GP6: variants seen among roughly 807,000 people sequenced by gnomAD.
GP6 encodes the protein platelet glycoprotein VI.
GP6 carries 45 observed loss-of-function variants against 37.3 expected under a neutral mutation model. The observed-to-expected ratio is 1.21, with a 90% CI of 0.95 to 1.55. The LOEUF is 1.55. Among genes scored for constraint, GP6 ranks in the 40% most tolerant of loss-of-function variants. The pLI is 0.00. For missense variants in GP6, 813 were observed against 760.2 expected, an observed-to-expected ratio of 1.07 and a Z score of -0.82; for synonymous variants, 340 against 316.4, an observed-to-expected ratio of 1.07 and a Z score of -0.79.
In GP6 at chr19:55,016,617, G is replaced by A. The variant is rs552741069; in HGVS notation, c.725-884C>T. 3.0e-3 allele frequency among the ~76,000 whole-genome samples: 454 copies of A among 151,782 alleles called. 8 individuals are homozygous for A. Among genetic ancestry groups the A allele is most frequent in the African/African-American group, 0.011 (439 of 41,480 alleles). The stretch of plus-strand genomic sequence containing the variant: ...TTTTGAACTCCTGACCTTGTGATCC[G>A]CCCGCCTAGGCCTCCCAAAGTGCTG... On this transcript the variant is annotated intron_variant, in intron 6 of 7. Transcript: ENST00000310373.
intron 1 of GP6, among the ~76,000 whole-genome samples, chr19:55,037,386 A>ATT (rs1568656829): frequency 1.4e-5 from 2 of 147,308 alleles, no homozygotes; most frequent in Non-Finnish European, 3.0e-5. Flanking sequence ...TGCCCAGGCC[A>ATT]GAGTGCAATG....
In GP6 at chr19:55,037,381, A is replaced by G. The variant is rs141247517; in HGVS notation, c.34+822T>C. ...AGACGGAGTTTCGCTCTTGTTGCCC[A>G]GGCCAGAGTGCAATGGTGTGATCTT... is the stretch of plus-strand genomic sequence containing the variant. On this transcript the variant is annotated intron_variant, in intron 1 of 7. Coordinates refer to ENST00000310373, the MANE Select transcript of GP6 (RefSeq NM_001083899.2). Among the ~76,000 whole-genome samples, 890 of 146,460 alleles carry G rather than the reference A, an allele frequency of 6.1e-3. 10 individuals are homozygous for G. Among genetic ancestry groups the G allele is most frequent in the African/African-American group, 0.022 (852 of 39,160 alleles).
intron 1 of GP6, among the ~76,000 whole-genome samples, chr19:55,033,541 G>A (rs546386314): frequency 3.0e-4 from 46 of 151,530 alleles, no homozygotes; most frequent in African/African-American, 1.0e-3. Context: ...TGTTAGACAC[G>A]GTGGGCTCGT....
chr19:55,034,169 T>C (rs1046039942), intron 1 of GP6, among the ~76,000 whole-genome samples: 2 of 151,750 alleles, frequency 1.3e-5, no homozygotes, highest in Non-Finnish European at 2.9e-5. Context: ...TGTGTGTGTG[T>C]GTGTGTGTAT....
In GP6 at chr19:55,021,815, C is replaced by T. The variant is rs537334425; in HGVS notation, c.665-3104G>A. ...GATTACCGGCGTGAGCCACCGTGCCCGGCGTTTCTTGACTTTTTAATAATC... is the reference window on the plus strand; with the variant it reads ...GATTACCGGCGTGAGCCACCGTGCCTGGCGTTTCTTGACTTTTTAATAATC... On this transcript the variant is annotated intron_variant, in intron 5 of 7. Coordinates refer to ENST00000310373, the MANE Select transcript of GP6 (RefSeq NM_001083899.2). 3.3e-4 allele frequency among the ~76,000 whole-genome samples: 50 copies of T among 152,208 alleles called. 1 individual carries two copies. The South Asian group carries it at 3.7e-3, about 11-fold the overall frequency.
Position 55,032,536 on chromosome 19 carries a change from G to C in GP6, c.37C>G (p.Leu13Val). ...TGCGCTGGCACACGCCCCAGACACA[G>C]CCCTGAGGAAAGAAGAAAGGGACCA... Residue 13 changes from leucine to valine, a missense_variant and splice_region_variant, in exon 2 of 8, where the codon CTG (leucine) becomes GTG (valine). Physicochemically the swap from Leu to Val is conservative, Grantham distance 32. Transcript: ENST00000310373. 1 of 1,613,720 alleles carries C rather than the reference G, an allele frequency of 6.2e-7. No individual in the cohort carries two copies. Among genetic ancestry groups the C allele is most frequent in the Non-Finnish European group, 8.5e-7 (1 of 1,179,958 alleles).
intron 7 of GP6, among the ~76,000 whole-genome samples, chr19:55,015,437 AAG>A (rs1211466765): frequency 6.6e-6 from 1 of 152,148 alleles, no homozygotes; most frequent in Non-Finnish European, 1.5e-5. Flanking sequence ...TGCATTGCAA[AAG>A]AGAGGACAGT....
At chr19:55,021,120 A>T (rs1405146313) in intron 5 of GP6, among the ~76,000 whole-genome samples, 1 of 142,592 alleles carries the variant, frequency 7.0e-6, no homozygotes, top group Non-Finnish European at 1.5e-5. Flanking sequence ...GCACTTTGGG[A>T]GGCCGAGGCA....
Position 55,014,805 on chromosome 19 carries a change from T to C in GP6, c.1140A>G (p.Lys380=). 6.2e-7 allele frequency: 1 copy of C among 1,613,982 alleles called. No homozygotes were observed. Among genetic ancestry groups the C allele is most frequent in the East Asian group, 2.2e-5 (1 of 44,876 alleles). ...ACCAGGAGGAGGCAGCATGGCCTCG[T>C]TTCCACAGCTGTAGCCTCTGCCCTC... The change falls in exon 8 of 8, where the codon AAA becomes AAG. Residue 380 remains lysine, a synonymous_variant. Transcript: ENST00000310373.
intron 4 of GP6, among the ~76,000 whole-genome samples, chr19:55,026,060 G>A (rs1297787496): frequency 6.6e-6 from 1 of 150,658 alleles, no homozygotes; most frequent in African/African-American, 2.4e-5. Context: ...CACATTCTGG[G>A]CTATTAACAA....
At chr19:55,034,341 G>A (rs1304761609) in intron 1 of GP6, among the ~76,000 whole-genome samples, 1 of 152,040 alleles carries the variant, frequency 6.6e-6, no homozygotes, top group African/African-American at 2.4e-5. Context: ...CGGATCACAA[G>A]GTCAGGAGTT....
In GP6 at chr19:55,037,318, C is replaced by G. The variant is rs372538046; in HGVS notation, c.34+885G>C. Reference sequence around the variant, plus strand: ...TGACAAATTAAATCCATACCTAGTCCAGATATCAATTCCACAATTTTTTTT... The same window carrying G: ...TGACAAATTAAATCCATACCTAGTCGAGATATCAATTCCACAATTTTTTTT... On this transcript the variant is annotated intron_variant, in intron 1 of 7. Transcript: ENST00000310373. 2.7e-4 allele frequency among the ~76,000 whole-genome samples: 40 copies of G among 148,756 alleles called. No individual in the cohort carries two copies. In the East Asian group the frequency reaches 6.3e-3, roughly 23 times the overall value.
At chr19:55,026,304 A>C (rs1388136454) in intron 4 of GP6, among the ~76,000 whole-genome samples, 1 of 152,124 alleles carries the variant, frequency 6.6e-6, no homozygotes, top group Non-Finnish European at 1.5e-5. Flanking sequence ...TTTCTTGCAA[A>C]ACTGAAATTC....
chr19:55,026,375 G>C (rs966204848), intron 4 of GP6, among the ~76,000 whole-genome samples: 1 of 152,046 alleles, frequency 6.6e-6, no homozygotes, highest in African/African-American at 2.4e-5. Context: ...AACCACCATT[G>C]TACTTTGTGT....
rs1308214413 is a variant in GP6, at chr19:55,015,052, G to T, written c.893C>A (p.Ala298Glu). Residue 298 changes from alanine (A) to glutamate (E), a missense_variant, in exon 8 of 8, where the codon GCG (alanine) becomes GAG (glutamate). Coordinates refer to ENST00000310373, the MANE Select transcript of GP6 (RefSeq NM_001083899.2). ...ACAGCCCTGCCCCTGTGCCGCAGGC[G>T]CTTCCTCCGGCTGTGCCAGTCCTCT... 2.5e-6 allele frequency: 4 copies of T among 1,606,870 alleles called. No individual in the cohort carries two copies. In the South Asian group the frequency reaches 4.5e-5, roughly 18 times the overall value.
At chr19:55,035,154 T>C (rs1027062584) in intron 1 of GP6, among the ~76,000 whole-genome samples, 1 of 152,158 alleles carries the variant, frequency 6.6e-6, no homozygotes, top group Non-Finnish European at 1.5e-5. Flanking sequence ...AGTGAGACAG[T>C]ATCTTATCCA....
chr19:55,013,750 C>T lies in GP6; in HGVS notation c.*332G>A. 4.7e-6 allele frequency: 1 copy of T among 213,202 alleles called. No individual in the cohort carries two copies. The highest frequency in any genetic ancestry group is 7.0e-5 in the South Asian group (1 of 14,222). 13.2% of individuals were successfully genotyped at this position (213,202 alleles called of 1,614,324 possible). A position where few individuals can be genotyped will look rare whatever the true frequency, so the allele number is the denominator to read the frequency against. On this transcript the variant is annotated 3_prime_UTR_variant, in exon 8 of 8. Coordinates refer to ENST00000310373, the MANE Select transcript of GP6 (RefSeq NM_001083899.2). ...TCTTTATTTTAAGTAGAGATGGGGT[C>T]TCACTATGTTGCCCAGGCTGGTCTT... is the stretch of plus-strand genomic sequence containing the variant.
At position 55,027,824 on chromosome 19, in the gene GP6, G is replaced by A. The variant is rs749343738; in HGVS notation, c.364C>T (p.Pro122Ser). The change falls in exon 4 of 8, where the codon CCG becomes TCG. Residue 122 changes from proline to serine, a missense_variant. By Grantham distance (74) the Pro-to-Ser change is moderately conservative. Coordinates refer to ENST00000310373, the MANE Select transcript of GP6 (RefSeq NM_001083899.2). ...ACGTCCCCTCCTGACGACACCGCCG[G>A]GCCGGGCTGGGCTGAGAGCGAGGGT... is the stretch of plus-strand genomic sequence containing the variant. The A allele has an allele frequency of 6.2e-7, 1 of 1,614,174 alleles. No homozygotes were observed. The highest frequency in any genetic ancestry group is 1.7e-5 in the Admixed American group (1 of 60,024).
intron 3 of GP6, among the ~76,000 whole-genome samples, chr19:55,029,353 TATATATATATATATATATATA>T (rs1280591556): frequency 0.075 from 247 of 3,296 alleles, 5 homozygotes; most frequent in Non-Finnish European, 0.087. Context: ...TATATATATA[TATATATATATATATATATATA>T]TTTTTTTTTT....
Sources: allele counts gnomAD v4.1 joint callset (sites outside exome capture counted in the v4.1 genomes callset), GRCh38; gene constraint gnomAD v4.1.1; transcripts MANE v1.5; gene names NCBI Gene and HGNC (gene_info 2026-07-23, HGNC 2026-07-21).